The following DLG1 variants were observed in gnomAD, a reference collection of about 807,000 sequenced individuals.
DLG1 encodes discs large MAGUK scaffold protein 1.
In DLG1, 42 loss-of-function variants were observed where a neutral mutation model predicts 123.4. The ratio of observed to expected loss-of-function variants is 0.34; its 90% CI spans 0.27 to 0.44. The LOEUF is 0.44. Among genes scored for constraint, DLG1 ranks in the 20% least tolerant of loss-of-function variants. DLG1 has a pLI of 1.00. For synonymous variants in DLG1, 317 were observed against 356.2 expected (o/e 0.89, Z 1.24); for missense variants, 942 against 1,082.6 (o/e 0.87, Z 1.82).
At chr3:197,170,512 C>T (rs1295768233) in intron 5 of DLG1, among the ~76,000 whole-genome samples, 1 of 152,076 alleles carries the variant, frequency 6.6e-6, no homozygotes, top group African/African-American at 2.4e-5. Context: ...ATCAGTGACG[C>T]TAAGCTCTTT....
At chr3:197,208,318 G>A (rs1729657846) in intron 4 of DLG1, among the ~76,000 whole-genome samples, 1 of 146,276 alleles carries the variant, frequency 6.8e-6, no homozygotes, top group Admixed American at 6.9e-5. Flanking sequence ...AGTGTACACT[G>A]GTACTACCTC....
intron 4 of DLG1, among the ~76,000 whole-genome samples, chr3:197,281,108 G>A (rs1435035445): frequency 6.7e-6 from 1 of 149,698 alleles, no homozygotes; most frequent in African/African-American, 2.5e-5. Context: ...TGCCGTCTCA[G>A]CTCGCTGCAA....
rs7620591 is a variant in DLG1, at chr3:197,144,750, T to C, written c.538-1982A>G. 1.7e-3 allele frequency among the ~76,000 whole-genome samples: 264 copies of C among 152,314 alleles called. 2 individuals carry two copies. Among genetic ancestry groups the C allele is most frequent in the African/African-American group, 5.9e-3 (246 of 41,554 alleles). On this transcript the variant is annotated intron_variant, in intron 6 of 24. Coordinates refer to ENST00000667157, the MANE Select transcript of DLG1 (RefSeq NM_001366207.1). Reference sequence around the variant, plus strand: ...TTGTGATTCTCCTAGATTCAAACCCTATTACTATTTTGTTCCCTCTTCTTT... The same window carrying C: ...TTGTGATTCTCCTAGATTCAAACCCCATTACTATTTTGTTCCCTCTTCTTT...
rs1344103432 is a variant in DLG1 at position 197,294,737 on chromosome 3, CAGGCA to C, written c.151+1604_151+1608del. Among the ~76,000 whole-genome samples the C allele has an allele frequency of 3.3e-5, 5 of 149,386 alleles. No homozygotes were observed. In the South Asian group the frequency reaches 8.5e-4, roughly 25 times the overall value. On this transcript the variant is annotated intron_variant, in intron 3 of 24. Coordinates refer to ENST00000667157, the MANE Select transcript of DLG1 (RefSeq NM_001366207.1). ...TACGTAAGAATAGACACATTCAAAA[CAGGCA>C]AGGCAGAATAGGTCAAAAATGTCTC...
chr3:197,067,340 A>G (rs983677019), intron 19 of DLG1, among the ~76,000 whole-genome samples: 3 of 152,136 alleles, frequency 2.0e-5, no homozygotes, highest in Non-Finnish European at 4.4e-5. Flanking sequence ...AGAGCTTTAG[A>G]TAAAACTAAA....
At chr3:197,155,023 T>A (rs1795741967) in intron 5 of DLG1, among the ~76,000 whole-genome samples, 1 of 152,090 alleles carries the variant, frequency 6.6e-6, no homozygotes, top group Non-Finnish European at 1.5e-5. Context: ...AATATTTGAA[T>A]AATAGCCAAA....
intron 4 of DLG1, among the ~76,000 whole-genome samples, chr3:197,226,920 T>C (rs560480088): frequency 1.4e-4 from 21 of 152,352 alleles, no homozygotes; most frequent in African/African-American, 5.0e-4. Context: ...AATAAAATAC[T>C]GTGAAAATGT....
intron 4 of DLG1, among the ~76,000 whole-genome samples, chr3:197,252,570 G>C (rs1169358020): frequency 6.6e-6 from 1 of 152,142 alleles, no homozygotes; most frequent in Non-Finnish European, 1.5e-5. Flanking sequence ...ATGGCTGAGG[G>C]AATGAGGAGT....
intron 3 of DLG1, among the ~76,000 whole-genome samples, chr3:197,288,743 A>AAAACATACATACATACATAC (rs1553827364): frequency 6.9e-5 from 5 of 72,078 alleles, no homozygotes; most frequent in Non-Finnish European, 9.7e-5. Flanking sequence ...AAAAAAAAAA[A>AAAACATACATACATACATAC]ATACATACAT....
chr3:197,080,209 A>C (rs1749993810), intron 17 of DLG1, among the ~76,000 whole-genome samples: 1 of 150,444 alleles, frequency 6.6e-6, no homozygotes, highest in Non-Finnish European at 1.5e-5. Context: ...GAAGGACTTA[A>C]AGTGAAGGAA....
In DLG1 at chr3:197,259,744, A is replaced by G. The variant is rs143908029; in HGVS notation, c.318+22935T>C. 9.7e-3 allele frequency among the ~76,000 whole-genome samples: 1,480 copies of G among 152,330 alleles called. 18 individuals carry two copies. Among genetic ancestry groups the G allele is most frequent in the South Asian group, 0.023 (113 of 4,832 alleles). On this transcript the variant is annotated intron_variant, in intron 4 of 24. Coordinates refer to ENST00000667157, the MANE Select transcript of DLG1 (RefSeq NM_001366207.1). ...GAGCAAAACAGACTTCAAAACAAGT[A>G]CTTTCAAGGAGTGCTTGTACAAGTC...
chr3:197,120,059 C>T (rs1268664540), intron 11 of DLG1, among the ~76,000 whole-genome samples: 1 of 151,916 alleles, frequency 6.6e-6, no homozygotes, highest in East Asian at 1.9e-4. Context: ...CAGGAGTTCG[C>T]GACCAGCCTG....
Position 197,240,567 on chromosome 3 carries a change from T to A in DLG1, c.318+42112A>T, listed in dbSNP as rs549463472. 4.6e-5 allele frequency among the ~76,000 whole-genome samples: 7 copies of A among 152,320 alleles called. No homozygotes were observed. In the East Asian group the frequency reaches 7.7e-4, roughly 17 times the overall value. On this transcript the variant is annotated intron_variant, in intron 4 of 24. Transcript: ENST00000667157. The stretch of plus-strand genomic sequence containing the variant: ...AACTGACACTAATGAGATAGTGATC[T>A]ATGAGCTCTCTGACCAATATTCAAA...
At chr3:197,214,504 C>T (rs559023122) in intron 4 of DLG1, among the ~76,000 whole-genome samples, 213 of 151,918 alleles carry the variant, frequency 1.4e-3, no homozygotes, top group Non-Finnish European at 2.3e-3. Flanking sequence ...ACCCAGGAGG[C>T]GGAGCTTGTA....
Position 197,085,841 on chromosome 3 carries a change from G to A in DLG1, c.1662-85C>T, listed in dbSNP as rs878906874. 3.0e-6 allele frequency: 4 copies of A among 1,311,882 alleles called. No individual in the cohort carries two copies. In the South Asian group the frequency reaches 4.3e-5, roughly 14 times the overall value. 81.3% of individuals were successfully genotyped at this position (1,311,882 alleles called of 1,614,324 possible). A position where few individuals can be genotyped will look rare whatever the true frequency, so the allele number is the denominator to read the frequency against. ...AGGGTTCTGAAAGTATATGTAATTT[G>A]GGTAATTAAATATATCATAGTAGGC... is the stretch of plus-strand genomic sequence containing the variant. On this transcript the variant is annotated intron_variant, in intron 15 of 24. Coordinates refer to ENST00000667157, the MANE Select transcript of DLG1 (RefSeq NM_001366207.1).
intron 4 of DLG1, among the ~76,000 whole-genome samples, chr3:197,280,203 T>C: frequency 6.6e-6 from 1 of 152,188 alleles, no homozygotes; most frequent in East Asian, 1.9e-4. Flanking sequence ...ATCAACATTT[T>C]TAGCTCCCAC....
chr3:197,069,288 TA>T, intron 18 of DLG1, 28 bp from the exon 19 acceptor site: 1 of 1,524,752 alleles, frequency 6.6e-7, no homozygotes, highest in South Asian at 1.2e-5. Flanking sequence ...TGAAAAAAAA[TA>T]AAACAGTGTC....
At chr3:197,285,947 C>T (rs1261809989) in intron 3 of DLG1, among the ~76,000 whole-genome samples, 3 of 152,192 alleles carry the variant, frequency 2.0e-5, no homozygotes, top group East Asian at 3.8e-4. Flanking sequence ...TAGCTTTATA[C>T]TAACTGATAA....
At position 197,148,245 on chromosome 3, in the gene DLG1, CA is replaced by C. The variant is rs1300222676; in HGVS notation, c.537+1497del. ...TAAAACCCCATCTCTACCAAAAATA[CA>C]AAAAAAAAAAAAAAATAGCCAGTCA... is the stretch of plus-strand genomic sequence containing the variant. On this transcript the variant is annotated intron_variant, in intron 6 of 24. Transcript: ENST00000667157. 8.2e-3 allele frequency among the ~76,000 whole-genome samples: 354 copies of C among 43,288 alleles called. 24 individuals are homozygous for C. Among genetic ancestry groups the C allele is most frequent in the Non-Finnish European group, 9.7e-3 (265 of 27,338 alleles). The allele number at this position is 43,288 out of a possible 152,430, so 28.4% of individuals were successfully genotyped here. A position where few individuals can be genotyped will look rare whatever the true frequency, so the allele number is the denominator to read the frequency against.
Sources: allele counts gnomAD v4.1 joint callset (sites outside exome capture counted in the v4.1 genomes callset), GRCh38; gene constraint gnomAD v4.1.1; transcripts MANE v1.5; gene names NCBI Gene and HGNC (gene_info 2026-07-23, HGNC 2026-07-21).